F8: variants seen among roughly 807,000 people sequenced by gnomAD.
F8 encodes coagulation factor VIII.
F8 carries 12 observed loss-of-function variants against 140.6 expected under a neutral mutation model. The ratio of observed to expected loss-of-function variants is 0.09; its 90% CI spans 0.05 to 0.14. The LOEUF (loss-of-function observed/expected upper bound fraction) is 0.14, where lower values mean the gene tolerates loss of function less well. Among genes scored for constraint, F8 ranks in the 10% least tolerant of loss-of-function variants. The pLI, the probability that F8 is intolerant of heterozygous loss-of-function variation, is 1.00. For missense variants in F8, 1,354 were observed against 1,720.7 expected (o/e 0.79, Z 3.77); for synonymous variants, 585 against 614.6 (o/e 0.95, Z 0.71).
Position 154,902,084 on chromosome X carries a change from C to T in F8, c.6082G>A (p.Gly2028Arg), listed in dbSNP as rs1603432908. Residue 2028 changes from glycine to arginine, a missense_variant, in exon 19 of 26, where the codon GGG becomes AGG. Gly to Arg is a moderately radical substitution (Grantham distance 125, BLOSUM62 -2). This residue lies in a region of F8 where 316 missense variants were observed against 485.4 expected (regional missense o/e 0.65). Coordinates refer to ENST00000360256, the MANE Select transcript of F8 (RefSeq NM_000132.4). ...TACACCAGAAAAAGTGTGCTCATCC[C>T]AGCATGTAGATGCTCGCCAATAAGG... is the stretch of plus-strand genomic sequence containing the variant. ...ECLIGEHLHA[G>R]MSTLFLVYSN... The T allele has an allele frequency of 8.3e-7, 1 of 1,210,002 alleles. No individual in the cohort carries two copies. Among genetic ancestry groups the T allele is most frequent in the Non-Finnish European group, 1.1e-6 (1 of 893,827 alleles).
Position 154,835,866 on chromosome X carries a change from A to G in F8, c.*1731T>C, listed in dbSNP as rs782700848. On this transcript the variant is annotated 3_prime_UTR_variant, in exon 26 of 26. Coordinates refer to ENST00000360256, the MANE Select transcript of F8 (RefSeq NM_000132.4). The stretch of plus-strand genomic sequence containing the variant: ...GAAAATAAAAGAGCTAGTTCCATGA[A>G]CATTTGAGAAATAGAGATGTATATA... 8.9e-5 allele frequency: 10 copies of G among 112,627 alleles called. No individual in the cohort carries two copies. Among genetic ancestry groups the G allele is most frequent in the Non-Finnish European group, 1.7e-4 (9 of 53,358 alleles). The allele number at this position is 112,627 out of a possible 1,213,427, so 9.3% of individuals were successfully genotyped here.
Position 154,943,992 on chromosome X carries a change from T to G in F8, c.2113+3706A>C, listed in dbSNP as rs10482469. 9.8e-3 allele frequency among the ~76,000 whole-genome samples: 1,092 copies of G among 111,667 alleles called. 12 individuals are homozygous for G. Among genetic ancestry groups the G allele is most frequent in the African/African-American group, 0.034 (1,042 of 30,637 alleles). On this transcript the variant is annotated intron_variant, in intron 13 of 25. Coordinates refer to ENST00000360256, the MANE Select transcript of F8 (RefSeq NM_000132.4). ...TGTAGAAAGCTGAAACTGGAACCCT[T>G]CCTTACACCTTATACTAAAATTAAT...
At chrX:154,904,240 T>C (rs182499423) in intron 17 of F8, 56 bp downstream of exon 17, 1 of 1,114,082 alleles carries the variant, frequency 9.0e-7, no homozygotes, top group East Asian at 3.0e-5. Context: ...AAGTCTCATT[T>C]GTCAAAGTGC....
At chrX:154,965,188 T>C (rs1557281881) in intron 9 of F8, among the ~76,000 whole-genome samples, 1 of 111,697 alleles carries the variant, frequency 9.0e-6, no homozygotes, top group Non-Finnish European at 1.9e-5. Flanking sequence ...ATATATGTTG[T>C]TGGCAATGGT....
chrX:155,017,411 C>T (rs1031963966), intron 1 of F8, among the ~76,000 whole-genome samples: 1 of 112,197 alleles, frequency 8.9e-6, no homozygotes, highest in Admixed American at 9.4e-5. Flanking sequence ...GTTTGTTACA[C>T]AGCAATAGGA....
chrX:154,941,446 A>G (rs1191129033), intron 13 of F8, among the ~76,000 whole-genome samples: 1 of 111,346 alleles, frequency 9.0e-6, no homozygotes, highest in African/African-American at 3.3e-5. Context: ...TAAAGGGATC[A>G]ATTCAACAAG....
chrX:154,978,660 T>A (rs182024985), intron 6 of F8, among the ~76,000 whole-genome samples: 376 of 112,066 alleles, frequency 3.4e-3, no homozygotes, highest in Admixed American at 5.5e-3. Flanking sequence ...CATAGTTCCT[T>A]GATTTTTCAT....
intron 13 of F8, among the ~76,000 whole-genome samples, chrX:154,936,018 ACAC>A (rs2073222859): frequency 9.1e-6 from 1 of 109,861 alleles, no homozygotes; most frequent in African/African-American, 3.3e-5. Flanking sequence ...ACACACACAC[ACAC>A]ACAAAAATCA....
At chrX:154,926,532 C>T (rs1384482952) in intron 14 of F8, among the ~76,000 whole-genome samples, 11 of 110,810 alleles carry the variant, frequency 9.9e-5, no homozygotes, top group Admixed American at 1.9e-4. Context: ...TGCACCACCA[C>T]GCCTGGCTAA....
Position 154,861,818 on chromosome X carries a change from T to C in F8, c.6623A>G (p.Gln2208Arg), listed in dbSNP as rs782198570. 12 of 1,208,893 alleles carry C rather than the reference T, an allele frequency of 9.9e-6. No individual in the cohort carries two copies. The highest frequency in any genetic ancestry group is 2.3e-4 in the Middle Eastern group (1 of 4,373). ...GGTAAAGTAGGATGAAGCAGTAATC[T>C]GTGCATCTGATATTGCTTTACTCTC... ...GMESKAISDA[Q>R]ITASSYFTNM... The change falls in exon 24 of 26, where the codon CAG (glutamine) becomes CGG (arginine). Residue 2208 changes from glutamine to arginine, a missense_variant. Around this residue, in one of 4 missense-constraint regions of F8, gnomAD observed 316 missense variants for 485.4 expected, o/e 0.65. Coordinates refer to ENST00000360256, the MANE Select transcript of F8 (RefSeq NM_000132.4).
intron 14 of F8, among the ~76,000 whole-genome samples, chrX:154,915,496 C>A (rs781801457): frequency 8.9e-6 from 1 of 111,814 alleles, no homozygotes; most frequent in Non-Finnish European, 1.9e-5. Flanking sequence ...CAATTCCTTT[C>A]ATCAGGGTTT....
Position 154,997,094 on chromosome X carries a change from A to G in F8, c.267T>C (p.Gly89=), listed in dbSNP as rs782680109. ...CAGCCTGGATGGTAGGACCTAGCAG[A>G]CCTGTAAGAATGAGATGTCCGCCAA... ...NIAKPRPPWM[G]LLGPTIQAEV... The change falls in exon 3 of 26, where the codon GGT becomes GGC. Residue 89 remains glycine, a splice_region_variant and synonymous_variant. Transcript: ENST00000360256. The G allele has an allele frequency of 2.1e-5, 26 of 1,211,742 alleles. No homozygotes were observed. Among genetic ancestry groups the G allele is most frequent in the Non-Finnish European group, 2.9e-5 (26 of 895,319 alleles).
chrX:154,908,733 C>T (rs1402002823), intron 14 of F8, among the ~76,000 whole-genome samples: 1 of 111,835 alleles, frequency 8.9e-6, no homozygotes, highest in Non-Finnish European at 1.9e-5. Flanking sequence ...TTTACTTCCT[C>T]ATTGTGTCTC....
At chrX:154,999,083 G>A (rs1178309618) in intron 2 of F8, among the ~76,000 whole-genome samples, 1 of 110,731 alleles carries the variant, frequency 9.0e-6, no homozygotes, top group African/African-American at 3.3e-5. Context: ...AAGGTTGGAG[G>A]TGAGTCAGGG....
chrX:154,969,203 G>T, intron 7 of F8, 128 bp downstream of exon 7: 1 of 623,504 alleles, frequency 1.6e-6, no homozygotes, highest in Non-Finnish European at 2.4e-6. Context: ...TCTTGGCTGA[G>T]GTCTAATACA....
At chrX:154,861,258 C>T (rs781883135) in intron 24 of F8, among the ~76,000 whole-genome samples, 97 of 111,559 alleles carry the variant, frequency 8.7e-4, no homozygotes, top group African/African-American at 2.9e-3. Context: ...CATGAGCCAC[C>T]GCACCCAGCC....
chrX:155,012,913 G>A (rs1020723431), intron 1 of F8, among the ~76,000 whole-genome samples: 5 of 109,773 alleles, frequency 4.6e-5, no homozygotes, highest in African/African-American at 1.0e-4. Context: ...TTGGGAGGCC[G>A]AGGTGGGCGG....
intron 14 of F8, among the ~76,000 whole-genome samples, chrX:154,927,344 TTGA>T (rs1201821282): frequency 9.0e-6 from 1 of 111,124 alleles, no homozygotes; most frequent in African/African-American, 3.3e-5. Flanking sequence ...GAGAGATAAA[TTGA>T]TGATGTAAGG....
intron 15 of F8, among the ~76,000 whole-genome samples, chrX:154,905,422 T>C (rs1367569850): frequency 8.9e-6 from 1 of 111,768 alleles, no homozygotes; most frequent in Non-Finnish European, 1.9e-5. Flanking sequence ...AGATTAAAAA[T>C]TATACATATT....
Sources: gnomAD v4.1 joint callset for allele counts (sites outside exome capture counted in the v4.1 genomes callset) on GRCh38, gnomAD v4.1.1 for gene constraint, gnomAD v4.1.1 regional missense constraint, MANE v1.5 for transcripts, NCBI Gene and HGNC (gene_info 2026-07-23, HGNC 2026-07-21) for gene names.